Variants in FSTL5 observed in about 807,000 individuals in gnomAD.
FSTL5 encodes follistatin-related protein 5.
In FSTL5, 62 loss-of-function variants were observed where a neutral mutation model predicts 89.1. That is an observed-to-expected ratio of 0.70 (90% CI 0.57 to 0.86). The LOEUF is 0.86. Among genes scored for constraint, FSTL5 ranks in the 40% least tolerant of loss-of-function variants. The pLI is 0.00. For synonymous variants in FSTL5, 383 were observed against 346.2 expected (o/e 1.11, Z -1.18); for missense variants, 1,057 against 1,001.6 (o/e 1.06, Z -0.75).
At chr4:162,133,266 G>T (rs1732386973) in intron 1 of FSTL5, among the ~76,000 whole-genome samples, 1 of 152,202 alleles carries the variant, frequency 6.6e-6, no homozygotes, top group Admixed American at 6.5e-5. Context: ...GGCATTGAAA[G>T]TGAGGGAAGA....
chr4:162,079,673 T>G (rs1198012267), intron 2 of FSTL5, among the ~76,000 whole-genome samples: 3 of 151,474 alleles, frequency 2.0e-5, no homozygotes, highest in Non-Finnish European at 1.5e-5. Flanking sequence ...GTACTTTAGT[T>G]TGCAAAGTGA....
chr4:161,710,319 TA>T (rs1738735379), intron 6 of FSTL5, among the ~76,000 whole-genome samples: 2 of 152,244 alleles, frequency 1.3e-5, no homozygotes, highest in Admixed American at 1.3e-4. Flanking sequence ...ATATTACAAG[TA>T]AAAGATGATT....
intron 4 of FSTL5, among the ~76,000 whole-genome samples, chr4:161,812,136 T>C (rs1730168255): frequency 6.6e-6 from 1 of 152,210 alleles, no homozygotes; most frequent in South Asian, 2.1e-4. Flanking sequence ...GTTATAGACA[T>C]TGGTCCCCGA....
At chr4:161,433,537 A>G (rs972713867) in intron 15 of FSTL5, among the ~76,000 whole-genome samples, 6 of 152,120 alleles carry the variant, frequency 3.9e-5, no homozygotes, top group African/African-American at 1.4e-4. Flanking sequence ...GTTATTCAAT[A>G]CAGTACTAGA....
At chr4:161,669,883 G>T (rs1317741038) in intron 6 of FSTL5, among the ~76,000 whole-genome samples, 1 of 151,894 alleles carries the variant, frequency 6.6e-6, no homozygotes, top group Non-Finnish European at 1.5e-5. Context: ...TAGAAATTAA[G>T]TGTCCTTAAG....
At chr4:161,577,030 G>A (rs906502226) in intron 8 of FSTL5, among the ~76,000 whole-genome samples, 8 of 152,158 alleles carry the variant, frequency 5.3e-5, no homozygotes, top group Admixed American at 3.3e-4. Context: ...TTGTGCAATT[G>A]TTATAGGAAA....
chr4:162,112,159 G>A (rs1008840588), intron 1 of FSTL5, among the ~76,000 whole-genome samples: 1 of 151,874 alleles, frequency 6.6e-6, no homozygotes, highest in Admixed American at 6.6e-5. Flanking sequence ...TATCACTTTC[G>A]CCAACACACC....
intron 5 of FSTL5, among the ~76,000 whole-genome samples, chr4:161,765,103 G>A (rs1740947376): frequency 6.6e-6 from 1 of 152,058 alleles, no homozygotes; most frequent in Non-Finnish European, 1.5e-5. Flanking sequence ...TCCACCCACT[G>A]GCATTGACAA....
chr4:161,896,237 T>TA (rs1274391085), intron 4 of FSTL5, among the ~76,000 whole-genome samples: 1 of 152,222 alleles, frequency 6.6e-6, no homozygotes, highest in East Asian at 1.9e-4. Context: ...TAATTAATGT[T>TA]AAAAATGATA....
intron 1 of FSTL5, among the ~76,000 whole-genome samples, chr4:162,149,070 G>A (rs1359961444): frequency 6.6e-6 from 1 of 152,088 alleles, no homozygotes; most frequent in Non-Finnish European, 1.5e-5. Flanking sequence ...TGGCTCTGTG[G>A]CCCACAGAGT....
At chr4:161,574,852 G>A (rs1405163407) in intron 8 of FSTL5, among the ~76,000 whole-genome samples, 5 of 152,044 alleles carry the variant, frequency 3.3e-5, no homozygotes, top group African/African-American at 4.8e-5. Context: ...TAATCCTTTC[G>A]GTATATGCAG....
At chr4:161,916,317 A>G (rs1313229528) in intron 4 of FSTL5, among the ~76,000 whole-genome samples, 1 of 152,126 alleles carries the variant, frequency 6.6e-6, no homozygotes, top group Non-Finnish European at 1.5e-5. Flanking sequence ...TTATATCTTA[A>G]GTTTCTTACT....
chr4:161,894,253 C>T (rs563799695), intron 4 of FSTL5, among the ~76,000 whole-genome samples: 19 of 152,006 alleles, frequency 1.2e-4, no homozygotes, highest in South Asian at 4.1e-4. Flanking sequence ...CTTTCTATTA[C>T]GTGATAATGG....
At chr4:161,606,472 C>T (rs1734447634) in intron 7 of FSTL5, among the ~76,000 whole-genome samples, 2 of 151,746 alleles carry the variant, frequency 1.3e-5, no homozygotes, top group African/African-American at 2.4e-5. Context: ...CCTCGTGATC[C>T]GCCCGCCTCA....
intron 13 of FSTL5, among the ~76,000 whole-genome samples, chr4:161,460,848 G>A (rs528267247): frequency 6.6e-5 from 10 of 151,800 alleles, no homozygotes; most frequent in Admixed American, 6.6e-4. Context: ...CACTTGGCAA[G>A]CACCACAGAT....
intron 15 of FSTL5, among the ~76,000 whole-genome samples, chr4:161,409,669 C>T (rs1243725298): frequency 5.9e-5 from 9 of 152,082 alleles, no homozygotes; most frequent in South Asian, 2.1e-4. Context: ...CGTGAGCCAC[C>T]GCACCCAGAC....
At chr4:161,666,743 C>T (rs1048370363) in intron 6 of FSTL5, among the ~76,000 whole-genome samples, 2 of 151,980 alleles carry the variant, frequency 1.3e-5, no homozygotes. Context: ...GGAAAAGGGG[C>T]CAGTAGAAAG....
chr4:161,740,268 C>T (rs1486801442), intron 6 of FSTL5, among the ~76,000 whole-genome samples: 1 of 152,088 alleles, frequency 6.6e-6, no homozygotes, highest in Non-Finnish European at 1.5e-5. Flanking sequence ...TATTCGCCCA[C>T]CTCGGCCTCC....
At chr4:161,419,365 A>G (rs1018187969) in intron 15 of FSTL5, among the ~76,000 whole-genome samples, 1 of 152,188 alleles carries the variant, frequency 6.6e-6, no homozygotes, top group Non-Finnish European at 1.5e-5. Flanking sequence ...TTTGCATAGC[A>G]TTTTAAAAAT....
Sources: allele counts gnomAD v4.1 joint callset (sites outside exome capture counted in the v4.1 genomes callset), GRCh38; gene constraint gnomAD v4.1.1; transcripts MANE v1.5; gene names NCBI Gene and HGNC (gene_info 2026-07-23, HGNC 2026-07-21).